The following CDK7 variants were observed in gnomAD, a reference collection of about 807,000 sequenced individuals.
CDK7 encodes the protein cyclin-dependent kinase 7.
Under a neutral mutation model 49.1 loss-of-function variants are expected in CDK7, and 25 were observed. The observed-to-expected ratio is 0.51, with a 90% confidence interval of 0.37 to 0.71. The LOEUF (loss-of-function observed/expected upper bound fraction) is 0.71, where lower values mean the gene tolerates loss of function less well. Among genes scored for constraint, CDK7 ranks in the 30% least tolerant of loss-of-function variants. CDK7 has a pLI of 0.00. For missense variants in CDK7, 316 were observed against 411.7 expected (o/e 0.77, Z 2.01); for synonymous variants, 107 against 140.0 (o/e 0.76, Z 1.67).
intron 2 of CDK7, among the ~76,000 whole-genome samples, chr5:69,248,262 T>C (rs998950257): frequency 3.3e-5 from 5 of 152,186 alleles, no homozygotes; most frequent in African/African-American, 1.2e-4. Context: ...ATCATGCCAG[T>C]CTCTCCTGTC....
At chr5:69,259,740 G>T in intron 6 of CDK7, 78 bp from the exon 7 acceptor site, 1 of 863,222 alleles carries the variant, frequency 1.2e-6, no homozygotes, top group South Asian at 1.6e-5. Context: ...TAAGTTTAAA[G>T]TTATGCCAAC....
chr5:69,253,555 C>A (rs753085278), intron 3 of CDK7, among the ~76,000 whole-genome samples: 3 of 152,050 alleles, frequency 2.0e-5, no homozygotes, highest in Admixed American at 1.3e-4. Flanking sequence ...CCACCGCGCC[C>A]GGCCTGTATC....
At chr5:69,241,847 T>A (rs1388980355) in intron 2 of CDK7, among the ~76,000 whole-genome samples, 1 of 152,204 alleles carries the variant, frequency 6.6e-6, no homozygotes, top group Non-Finnish European at 1.5e-5. Context: ...ATATTTTCTC[T>A]CATTCTGTGG....
intron 3 of CDK7, 123 bp from the exon 4 acceptor site, chr5:69,254,479 G>T (rs959088191): frequency 3.9e-6 from 2 of 516,066 alleles, no homozygotes; most frequent in African/African-American, 2.1e-5. Context: ...CCGAGATCAC[G>T]CCACTACACT....
chr5:69,261,770 C>T (rs1750842979), intron 7 of CDK7, among the ~76,000 whole-genome samples: 1 of 152,084 alleles, frequency 6.6e-6, no homozygotes, highest in Admixed American at 6.6e-5. Flanking sequence ...ACCTCGTGAT[C>T]CGCCCGCCTC....
At chr5:69,242,645 G>A (rs1258455459) in intron 2 of CDK7, among the ~76,000 whole-genome samples, 1 of 152,174 alleles carries the variant, frequency 6.6e-6, no homozygotes, top group East Asian at 1.9e-4. Flanking sequence ...TTAATTTTGG[G>A]AAAGGACTGT....
chr5:69,252,517 T>A (rs1277019162), intron 3 of CDK7, 66 bp downstream of exon 3: 1 of 912,212 alleles, frequency 1.1e-6, no homozygotes, highest in African/African-American at 1.7e-5. Context: ...TTTTTTTTTT[T>A]TTTTTTTAAA....
intron 9 of CDK7, among the ~76,000 whole-genome samples, chr5:69,270,264 C>T (rs1418469435): frequency 6.6e-6 from 1 of 151,772 alleles, no homozygotes; most frequent in Non-Finnish European, 1.5e-5. Flanking sequence ...AGTGAGACTT[C>T]GTGTCTATAA....
At chr5:69,268,914 G>A (rs1458287370) in intron 8 of CDK7, among the ~76,000 whole-genome samples, 2 of 150,810 alleles carry the variant, frequency 1.3e-5, no homozygotes, top group East Asian at 3.9e-4. Flanking sequence ...AGGCTGAAGT[G>A]GGTAGATCAC....
chr5:69,269,332 C>A, intron 9 of CDK7, 39 bp downstream of exon 9: 1 of 1,419,122 alleles, frequency 7.0e-7, no homozygotes, highest in East Asian at 2.3e-5. Context: ...GTAATTAGGA[C>A]TCTGTAAAGT....
intron 2 of CDK7, among the ~76,000 whole-genome samples, chr5:69,245,739 C>CAAAA (rs1168388617): frequency 1.3e-5 from 2 of 151,970 alleles, no homozygotes; most frequent in Non-Finnish European, 2.9e-5. Flanking sequence ...TTGTTACTGG[C>CAAAA]CTGTTTAGGT....
Position 69,235,414 on chromosome 5 carries a change from C to T in CDK7, c.87C>T (p.Ala29=). 2 of 1,604,768 alleles carry T rather than the reference C, an allele frequency of 1.2e-6. No individual in the cohort carries two copies. The highest frequency in any genetic ancestry group is 1.7e-6 in the Non-Finnish European group (2 of 1,171,708). Residue 29 remains alanine, a synonymous_variant, in exon 2 of 12, where the codon GCC becomes GCT. Transcript: ENST00000256443. ...TCTAGTTTGCCACCGTTTACAAGGCCAGAGATAAGAACACCAACCAAATTG... is the reference window on the plus strand; with the variant it reads ...TCTAGTTTGCCACCGTTTACAAGGCTAGAGATAAGAACACCAACCAAATTG... ...GEGQFATVYK[A]RDKNTNQIVA... is the part of the protein sequence containing the mutation.
At chr5:69,250,591 T>G (rs2061024890) in intron 2 of CDK7, among the ~76,000 whole-genome samples, 2 of 152,036 alleles carry the variant, frequency 1.3e-5, no homozygotes, top group South Asian at 4.1e-4. Context: ...TCCCCTCTGT[T>G]CCAGGGGTAG....
At chr5:69,244,509 G>C (rs1561348577) in intron 2 of CDK7, among the ~76,000 whole-genome samples, 1 of 151,956 alleles carries the variant, frequency 6.6e-6, no homozygotes, top group South Asian at 2.1e-4. Context: ...GATGGCGCAT[G>C]CCTGTAATCC....
chr5:69,258,537 C>T (rs2932789), intron 6 of CDK7, among the ~76,000 whole-genome samples: 42,430 of 151,816 alleles, frequency 0.28, 6,523 homozygotes, highest in East Asian at 0.4. Flanking sequence ...CCCGCCACCA[C>T]GCCCAGCTAA....
At chr5:69,244,674 A>C (rs926606169) in intron 2 of CDK7, among the ~76,000 whole-genome samples, 3 of 151,896 alleles carry the variant, frequency 2.0e-5, no homozygotes, top group Non-Finnish European at 2.9e-5. Flanking sequence ...ATCGTCTACA[A>C]ACAAGAAGAA....
At chr5:69,246,703 T>G (rs1423658134) in intron 2 of CDK7, among the ~76,000 whole-genome samples, 2 of 145,312 alleles carry the variant, frequency 1.4e-5, no homozygotes, top group African/African-American at 2.8e-5. Flanking sequence ...AAGGTTTTGT[T>G]TTTGGTTTTT....
At chr5:69,267,185 C>CA (rs1308717796) in intron 8 of CDK7, among the ~76,000 whole-genome samples, 1 of 150,988 alleles carries the variant, frequency 6.6e-6, no homozygotes, top group Non-Finnish European at 1.5e-5. Context: ...ATAGTTTCAA[C>CA]ATATGATTCA....
chr5:69,235,347 A>C (rs780697571), intron 1 of CDK7, 47 bp from the exon 2 acceptor site: 6 of 1,387,730 alleles, frequency 4.3e-6, no homozygotes, highest in Non-Finnish European at 6.1e-6. Context: ...AAAAAGGCAA[A>C]CACAAAAACT....
Sources: allele counts gnomAD v4.1 joint callset (sites outside exome capture counted in the v4.1 genomes callset), GRCh38; gene constraint gnomAD v4.1.1; transcripts MANE v1.5; gene names NCBI Gene and HGNC (gene_info 2026-07-23, HGNC 2026-07-21).